Variants in NT5C1B observed in about 807,000 individuals in gnomAD.
NT5C1B encodes the protein cytosolic 5'-nucleotidase 1B.
In NT5C1B, 44 loss-of-function variants were observed where a neutral mutation model predicts 57.8. That is an observed-to-expected ratio of 0.76 (90% CI 0.60 to 0.98). The LOEUF (loss-of-function observed/expected upper bound fraction) is 0.98, where lower values mean the gene tolerates loss of function less well. Ranked by LOEUF, NT5C1B falls within the 50% of genes least tolerant of loss-of-function variation. NT5C1B has a pLI of 0.00. For missense variants in NT5C1B, 742 were observed against 719.5 expected (o/e 1.03, Z -0.36); for synonymous variants, 284 against 282.6 (o/e 1.00, Z -0.05).
At chr2:18,566,716 A>G (rs1449619840) in intron 8 of NT5C1B, among the ~76,000 whole-genome samples, 3 of 152,360 alleles carry the variant, frequency 2.0e-5, no homozygotes, top group East Asian at 3.9e-4. Context: ...GCACAGTAGT[A>G]CAGCATATAA....
chr2:18,568,753 G>T (rs1664883774), intron 8 of NT5C1B, among the ~76,000 whole-genome samples: 1 of 152,120 alleles, frequency 6.6e-6, no homozygotes. Context: ...ATATCTGATT[G>T]CCTCCTTTGG....
chr2:18,587,194 T>C lies in NT5C1B; in HGVS notation c.120+309A>G, dbSNP rs544169148. ...CTCATCTGAAAGATTGTGCAGAAAG[T>C]GGTCAATGCCATGGCCAGACCCCCT... On this transcript the variant is annotated intron_variant, in intron 2 of 8. Coordinates refer to ENST00000304081, the Ensembl canonical transcript of NT5C1B. 4.4e-6 allele frequency: 7 copies of C among 1,604,782 alleles called. No individual in the cohort carries two copies. The African/African-American group carries it at 6.7e-5, about 15-fold the overall frequency.
intron 3 of NT5C1B, among the ~76,000 whole-genome samples, chr2:18,585,380 TGCCTTAGTGTGC>T (rs1413891705): frequency 3.3e-5 from 5 of 152,188 alleles, no homozygotes; most frequent in African/African-American, 9.7e-5. Context: ...GCTTGGCCAG[TGCCTTAGTGTGC>T]GACTTCCAGT....
chr2:18,576,060 GA>G, intron 8 of NT5C1B, 123 bp downstream of exon 8: 12 of 1,012,050 alleles, frequency 1.2e-5, no homozygotes, highest in Non-Finnish European at 1.6e-5. Flanking sequence ...CCAAAGATAA[GA>G]CAGTAAGAAG....
Position 18,576,943 on chromosome 2 carries a change from A to T in NT5C1B, c.1022-48T>A, listed in dbSNP as rs765712248. On this transcript the variant is annotated intron_variant, in intron 6 of 8. Coordinates refer to ENST00000304081, the Ensembl canonical transcript of NT5C1B. ...TTGTTATGACAGAGATTAAAGACAA[A>T]ATGCCGTAAATCCAAGTAAAAGTTA... The T allele has an allele frequency of 3.7e-6, 6 of 1,607,410 alleles. No individual in the cohort carries two copies. In the Admixed American group the frequency reaches 8.6e-5, roughly 23 times the overall value.
chr2:18,583,924 G>T, intron 5 of NT5C1B, 164 bp downstream of exon 5: 1 of 1,190,108 alleles, frequency 8.4e-7, no homozygotes, highest in Non-Finnish European at 1.2e-6. Context: ...CAGTCTGGAA[G>T]CCTGTGCGAA....
intron 3 of NT5C1B, 81 bp downstream of exon 3, chr2:18,586,173 C>T: frequency 6.4e-7 from 1 of 1,556,654 alleles, no homozygotes. Context: ...TAAACAGGGC[C>T]TGGCACGTAG....
intron 1 of NT5C1B, 25 bp downstream of exon 1, chr2:18,589,414 A>T (rs376995513): frequency 1.4e-5 from 22 of 1,613,998 alleles, no homozygotes; most frequent in Non-Finnish European, 1.9e-5. Context: ...CCATGGCAAG[A>T]TTCTAAGACA....
At chr2:18,586,956 G>T in intron 2 of NT5C1B, 1 of 1,613,878 alleles carries the variant, frequency 6.2e-7, no homozygotes, top group Non-Finnish European at 8.5e-7. Flanking sequence ...GGTTGTCTGT[G>T]GTTCCCCTCC....
intron 6 of NT5C1B, among the ~76,000 whole-genome samples, chr2:18,582,258 G>A (rs920837784): frequency 5.9e-5 from 9 of 152,170 alleles, no homozygotes; most frequent in Admixed American, 5.9e-4. Flanking sequence ...CAATTTAAAT[G>A]TTATTTTAAC....
chr2:18,589,547 C>T (rs1667010050), exon 1 of NT5C1B: 24 of 1,604,518 alleles, frequency 1.5e-5, no homozygotes, highest in Non-Finnish European at 1.9e-5. Flanking sequence ...TTCCCTTGCT[C>T]AGTCTAGCTT....
chr2:18,565,607 C>T (rs1055926513), intron 8 of NT5C1B, among the ~76,000 whole-genome samples: 11 of 152,042 alleles, frequency 7.2e-5, no homozygotes, highest in Non-Finnish European at 1.2e-4. Context: ...GTAGGCAGCC[C>T]AGATAATTAT....
chr2:18,588,788 G>A (rs1332805667), intron 1 of NT5C1B, among the ~76,000 whole-genome samples: 2 of 152,108 alleles, frequency 1.3e-5, no homozygotes, highest in Non-Finnish European at 2.9e-5. Flanking sequence ...ATCTAGTAAT[G>A]CTTCATTCCT....
At chr2:18,582,342 G>C (rs995480820) in intron 6 of NT5C1B, among the ~76,000 whole-genome samples, 5 of 152,140 alleles carry the variant, frequency 3.3e-5, no homozygotes, top group Non-Finnish European at 7.4e-5. Context: ...GGAAAAGTTG[G>C]AACTTTCTCT....
chr2:18,576,428 C>T, intron 7 of NT5C1B, 60 bp from the exon 8 acceptor site: 1 of 1,533,274 alleles, frequency 6.5e-7, no homozygotes, highest in Non-Finnish European at 8.7e-7. Context: ...TAGTTTCTAC[C>T]ATTAAAAAAA....
At chr2:18,569,971 C>G (rs901116000) in intron 8 of NT5C1B, among the ~76,000 whole-genome samples, 2 of 152,018 alleles carry the variant, frequency 1.3e-5, no homozygotes, top group Admixed American at 6.5e-5. Context: ...CATACCACAA[C>G]AAATTTAAAT....
intron 8 of NT5C1B, among the ~76,000 whole-genome samples, chr2:18,567,057 T>C (rs1274322033): frequency 1.3e-5 from 2 of 152,146 alleles, no homozygotes; most frequent in East Asian, 1.9e-4. Context: ...TGAGAGAGCA[T>C]AGAAGCCCTA....
chr2:18,582,900 C>G (rs1666307096), exon 6 of NT5C1B: 1 of 1,613,842 alleles, frequency 6.2e-7, no homozygotes, highest in South Asian at 1.1e-5. Context: ...AAGCCGCACT[C>G]CCACTTGGGC....
At chr2:18,585,248 C>T in intron 3 of NT5C1B, 1 of 719,992 alleles carries the variant, frequency 1.4e-6, no homozygotes, top group Non-Finnish European at 2.6e-6. Context: ...AGATAGGACC[C>T]AGTCCTCTTC....
Sources: gnomAD v4.1 joint callset for allele counts (sites outside exome capture counted in the v4.1 genomes callset) on GRCh38, gnomAD v4.1.1 for gene constraint, MANE v1.5 for transcripts, NCBI Gene and HGNC (gene_info 2026-07-23, HGNC 2026-07-21) for gene names.